CSMD1: variants seen among roughly 807,000 people sequenced by gnomAD.
The protein encoded by CSMD1 is CUB and sushi domain-containing protein 1.
A neutral mutation model predicts 417.5 loss-of-function variants in CSMD1; 213 were observed. The observed-to-expected ratio is 0.51, with a 90% CI of 0.46 to 0.57. CSMD1 has a LOEUF of 0.57. Among genes scored for constraint, CSMD1 ranks in the 20% least tolerant of loss-of-function variants. The pLI is 0.00. For missense variants in CSMD1, 6,923 were observed against 4,529.7 expected, an observed-to-expected ratio of 1.53 and a Z score of -15.17; for synonymous variants, 2,862 against 1,736.8, an observed-to-expected ratio of 1.65 and a Z score of -16.11.
At chr8:3,733,110 G>C (rs944965318) in intron 6 of CSMD1, among the ~76,000 whole-genome samples, 6 of 150,864 alleles carry the variant, frequency 4.0e-5, no homozygotes, top group Non-Finnish European at 7.4e-5. Flanking sequence ...AGAGGCTAAA[G>C]TGGAAAAGAT....
chr8:3,323,741 ATTTCCTTCACCCCACCTTTCATCAT>A (rs1806305595), intron 23 of CSMD1, among the ~76,000 whole-genome samples: 1 of 132,774 alleles, frequency 7.5e-6, no homozygotes, highest in African/African-American at 2.7e-5. Flanking sequence ...CCAGGAGGGA[ATTTCCTTCACCCCACCTTTCATCAT>A]TGTTAAAATA....
intron 5 of CSMD1, among the ~76,000 whole-genome samples, chr8:3,873,301 C>T (rs1348273542): frequency 6.6e-6 from 1 of 151,936 alleles, no homozygotes; most frequent in Admixed American, 6.6e-5. Context: ...ATGGAATCAA[C>T]CTAAATGCCC....
At chr8:3,804,858 C>G (rs1298048343) in intron 5 of CSMD1, among the ~76,000 whole-genome samples, 1 of 151,980 alleles carries the variant, frequency 6.6e-6, no homozygotes, top group Non-Finnish European at 1.5e-5. Context: ...GTTTTCTTTC[C>G]TGTTACATGA....
intron 3 of CSMD1, among the ~76,000 whole-genome samples, chr8:4,135,764 A>G (rs114605587): frequency 0.031 from 4,707 of 152,312 alleles, 249 homozygotes; most frequent in African/African-American, 0.11. Flanking sequence ...TAAACTAGAA[A>G]GAGAAACTGA....
At chr8:3,698,405 T>A (rs971870127) in intron 7 of CSMD1, among the ~76,000 whole-genome samples, 1 of 152,212 alleles carries the variant, frequency 6.6e-6, no homozygotes, top group Non-Finnish European at 1.5e-5. Context: ...CAATTCTCCT[T>A]CTTGTTTTAT....
At chr8:3,090,180 G>A (rs1371610385) in intron 48 of CSMD1, among the ~76,000 whole-genome samples, 9 of 151,968 alleles carry the variant, frequency 5.9e-5, no homozygotes, top group Admixed American at 4.6e-4. Flanking sequence ...AGCCGGGCGC[G>A]GTGGCGGGCG....
At chr8:4,387,843 G>T (rs1010034454) in intron 3 of CSMD1, among the ~76,000 whole-genome samples, 1 of 151,944 alleles carries the variant, frequency 6.6e-6, no homozygotes, top group Non-Finnish European at 1.5e-5. Context: ...AGCCACAAAT[G>T]ACAGCTGTCA....
At chr8:3,337,317 C>A (rs576213554) in intron 23 of CSMD1, among the ~76,000 whole-genome samples, 2 of 152,182 alleles carry the variant, frequency 1.3e-5, no homozygotes, top group South Asian at 2.1e-4. Context: ...TTAATTAAAC[C>A]TTTTTGTATC....
At chr8:4,121,548 T>C (rs566816496) in intron 3 of CSMD1, among the ~76,000 whole-genome samples, 6 of 151,636 alleles carry the variant, frequency 4.0e-5, no homozygotes, top group African/African-American at 7.3e-5. Flanking sequence ...AGTGAAGCAA[T>C]TGTCTAAAAT....
At chr8:3,503,359 T>C (rs1158698014) in intron 10 of CSMD1, among the ~76,000 whole-genome samples, 1 of 152,234 alleles carries the variant, frequency 6.6e-6, no homozygotes, top group Non-Finnish European at 1.5e-5. Context: ...CAAATGTAAC[T>C]ATATGACTAT....
chr8:3,422,791 G>A (rs866270284), intron 12 of CSMD1, among the ~76,000 whole-genome samples: 1 of 152,152 alleles, frequency 6.6e-6, no homozygotes. Flanking sequence ...TGGTTCAAGA[G>A]GCTAGGAAGA....
chr8:3,945,410 G>T lies in CSMD1; in HGVS notation c.818+52493C>A, dbSNP rs533337354. Among the ~76,000 whole-genome samples, 10 of 151,664 alleles carry T rather than the reference G, an allele frequency of 6.6e-5. No individual in the cohort carries two copies. In the East Asian group the frequency reaches 1.9e-3, roughly 29 times the overall value. On this transcript the variant is annotated intron_variant, in intron 5 of 69. Transcript: ENST00000635120. Reference sequence around the variant, plus strand: ...TATAAATGAACGGCTTAACTTTTTTGGGGGGGCATATTACAAATAACTTCA... The same window carrying T: ...TATAAATGAACGGCTTAACTTTTTTTGGGGGGCATATTACAAATAACTTCA...
intron 25 of CSMD1, among the ~76,000 whole-genome samples, chr8:3,305,297 A>G (rs1399673988): frequency 6.6e-6 from 1 of 151,836 alleles, no homozygotes; most frequent in Non-Finnish European, 1.5e-5. Flanking sequence ...TAATCATCAA[A>G]TTAATCATTT....
At chr8:4,371,127 G>C (rs1403151026) in intron 3 of CSMD1, among the ~76,000 whole-genome samples, 1 of 152,146 alleles carries the variant, frequency 6.6e-6, no homozygotes, top group South Asian at 2.1e-4. Context: ...GCCCTTGAGA[G>C]TTTCACAGTA....
intron 1 of CSMD1, among the ~76,000 whole-genome samples, chr8:4,807,790 G>A (rs549810477): frequency 6.6e-6 from 1 of 152,168 alleles, no homozygotes; most frequent in African/African-American, 2.4e-5. Context: ...ATCTGACATA[G>A]AATAATGGAT....
intron 10 of CSMD1, among the ~76,000 whole-genome samples, chr8:3,540,183 A>G (rs1438327041): frequency 6.6e-6 from 1 of 151,994 alleles, no homozygotes; most frequent in African/African-American, 2.4e-5. Context: ...TTTAGTCTTG[A>G]AAAAAAACCT....
chr8:4,043,778 C>T (rs1012149831), intron 3 of CSMD1, among the ~76,000 whole-genome samples: 19 of 152,110 alleles, frequency 1.2e-4, no homozygotes, highest in Admixed American at 9.8e-4. Flanking sequence ...AATGCTGGAA[C>T]GCTTTATATA....
chr8:4,857,242 G>C lies in CSMD1; in HGVS notation c.85+137090C>G, dbSNP rs554467245. On this transcript the variant is annotated intron_variant, in intron 1 of 69. Coordinates refer to ENST00000635120, the MANE Select transcript of CSMD1 (RefSeq NM_033225.6). ...ACGAGAACAAAGACACAACATACCA[G>C]AATCTCTGGGACGCATTCAAAGCAG... Among the ~76,000 whole-genome samples, 35 of 148,296 alleles carry C rather than the reference G, an allele frequency of 2.4e-4. 1 individual carries two copies. The highest frequency in any genetic ancestry group is 2.1e-3 in the South Asian group (9 of 4,380).
At chr8:3,941,234 A>G (rs1183058958) in intron 5 of CSMD1, among the ~76,000 whole-genome samples, 2 of 151,914 alleles carry the variant, frequency 1.3e-5, no homozygotes, top group Non-Finnish European at 2.9e-5. Flanking sequence ...TAGCAAATGT[A>G]TTAATTAAAC....
Sources: allele counts gnomAD v4.1 joint callset (sites outside exome capture counted in the v4.1 genomes callset), GRCh38; gene constraint gnomAD v4.1.1; transcripts MANE v1.5; gene names NCBI Gene and HGNC (gene_info 2026-07-23, HGNC 2026-07-21).